Variants in OR10J1 observed in about 807,000 individuals in gnomAD.
OR10J1 encodes the protein olfactory receptor 10J1.
For synonymous variants in OR10J1, 202 were observed against 143.8 expected (o/e 1.40, Z -2.89); for missense variants, 474 against 376.6 (o/e 1.26, Z -2.14).
the OR10J1 span, among the ~76,000 whole-genome samples, chr1:159,420,782 G>T: frequency 6.6e-6 from 1 of 151,938 alleles, no homozygotes; most frequent in Non-Finnish European, 1.5e-5. Flanking sequence ...TCTGATCAAA[G>T]TTCCTTTATA....
At chr1:159,430,669 G>GTGTGTGCGCGCA in the OR10J1 span, among the ~76,000 whole-genome samples, 2 of 20,158 alleles carry the variant, frequency 9.9e-5, no homozygotes, top group Admixed American at 1.2e-3. Flanking sequence ...GTGTGTGTGT[G>GTGTGTGCGCGCA]CGCGCGCGCA....
At chr1:159,418,248 G>A in the OR10J1 span, among the ~76,000 whole-genome samples, 2 of 152,322 alleles carry the variant, frequency 1.3e-5, no homozygotes, top group South Asian at 4.1e-4. Context: ...AGACAGTGGG[G>A]AAGATGTCTC....
chr1:159,410,497 T>C, the OR10J1 span, among the ~76,000 whole-genome samples: 143 of 152,296 alleles, frequency 9.4e-4, 1 homozygote, highest in African/African-American at 2.1e-3. Flanking sequence ...GAGGTGTTTG[T>C]AGTATTCTCT....
At chr1:159,401,346 A>G in the OR10J1 span, among the ~76,000 whole-genome samples, 3 of 151,972 alleles carry the variant, frequency 2.0e-5, no homozygotes, top group Non-Finnish European at 4.4e-5. Context: ...AAATTGACAA[A>G]CCGTTAGCCA....
chr1:159,398,273 G>T, the OR10J1 span, among the ~76,000 whole-genome samples: 1 of 152,272 alleles, frequency 6.6e-6, no homozygotes, highest in African/African-American at 2.4e-5. Flanking sequence ...CCTTCTCAAG[G>T]ATGGCTGCAA....
chr1:159,426,252 AAC>A, the OR10J1 span, among the ~76,000 whole-genome samples: 3 of 151,892 alleles, frequency 2.0e-5, no homozygotes, highest in African/African-American at 4.8e-5. Flanking sequence ...AATTAATGGA[AAC>A]ACAGAGGCTC....
At chr1:159,423,252 A>G in the OR10J1 span, among the ~76,000 whole-genome samples, 1 of 152,170 alleles carries the variant, frequency 6.6e-6, no homozygotes, top group East Asian at 1.9e-4. Flanking sequence ...TATTTACCCC[A>G]TCCACTGCCA....
chr1:159,429,878 G>A, the OR10J1 span, among the ~76,000 whole-genome samples: 1 of 152,148 alleles, frequency 6.6e-6, no homozygotes, highest in African/African-American at 2.4e-5. Flanking sequence ...TAGTCCTCCA[G>A]TTTGGAAGAT....
At chr1:159,406,208 T>C in the OR10J1 span, 2 of 523,024 alleles carry the variant, frequency 3.8e-6, no homozygotes, top group Non-Finnish European at 7.8e-6. Context: ...TGGAGGTGAA[T>C]GTCCAGGCGA....
the OR10J1 span, among the ~76,000 whole-genome samples, chr1:159,419,982 A>G: frequency 1.3e-5 from 2 of 152,078 alleles, no homozygotes; most frequent in African/African-American, 2.4e-5. Flanking sequence ...ATGTAATAAT[A>G]TTTTTTGTAT....
the OR10J1 span, among the ~76,000 whole-genome samples, chr1:159,428,521 C>T: frequency 5.3e-5 from 8 of 151,964 alleles, no homozygotes; most frequent in Non-Finnish European, 1.0e-4. Flanking sequence ...GAGACATTGA[C>T]AAAAAAGGCC....
chr1:159,435,771 T>G (rs1558008782), upstream of OR10J1, among the ~76,000 whole-genome samples: 1 of 152,190 alleles, frequency 6.6e-6, no homozygotes, highest in Non-Finnish European at 1.5e-5. Context: ...CAAACTATAA[T>G]AAGAACTACT....
At chr1:159,428,575 C>G in the OR10J1 span, among the ~76,000 whole-genome samples, 21 of 152,248 alleles carry the variant, frequency 1.4e-4, no homozygotes, top group Middle Eastern at 3.4e-3. Flanking sequence ...ACTTGCTGCC[C>G]AACTTTAAGC....
chr1:159,416,911 G>A, the OR10J1 span, among the ~76,000 whole-genome samples: 5 of 151,962 alleles, frequency 3.3e-5, no homozygotes. Context: ...TAATTCTGTG[G>A]TATCAGTTGT....
At chr1:159,432,500 C>G in the OR10J1 span, 1,030 of 436,044 alleles carry the variant, frequency 2.4e-3, 12 homozygotes, top group African/African-American at 0.017. Flanking sequence ...CAGGCTGTGC[C>G]GCTCAGCTCT....
the OR10J1 span, among the ~76,000 whole-genome samples, chr1:159,422,395 C>T: frequency 6.6e-6 from 1 of 152,152 alleles, no homozygotes; most frequent in African/African-American, 2.4e-5. Context: ...GTGCATATTG[C>T]TTGTGCCTCA....
the OR10J1 span, among the ~76,000 whole-genome samples, chr1:159,399,831 A>C: frequency 6.6e-6 from 1 of 152,150 alleles, no homozygotes; most frequent in Non-Finnish European, 1.5e-5. Context: ...TAATCAGTAC[A>C]ATAAGATATA....
upstream of OR10J1, among the ~76,000 whole-genome samples, chr1:159,437,441 G>T (rs1655768371): frequency 6.6e-6 from 1 of 151,544 alleles, no homozygotes; most frequent in Non-Finnish European, 1.5e-5. Flanking sequence ...CTAAGCTTGA[G>T]CTGCCTAGAT....
chr1:159,420,702 T>C, the OR10J1 span, among the ~76,000 whole-genome samples: 3 of 152,082 alleles, frequency 2.0e-5, no homozygotes, highest in Non-Finnish European at 4.4e-5. Flanking sequence ...GTTTTTTTTT[T>C]CAGCACTTTG....
Sources: allele counts gnomAD v4.1 joint callset (sites outside exome capture counted in the v4.1 genomes callset), GRCh38; gene constraint gnomAD v4.1.1; transcripts MANE v1.5; gene names NCBI Gene and HGNC (gene_info 2026-07-23, HGNC 2026-07-21).